Variants in ERBIN observed in about 807,000 individuals in gnomAD.
ERBIN encodes the protein erbb2 interacting protein, also known as densin-180-like protein.
A neutral mutation model predicts 158.4 loss-of-function variants in ERBIN; 60 were observed. The observed-to-expected ratio is 0.38, with a 90% confidence interval of 0.31 to 0.47. The LOEUF (loss-of-function observed/expected upper bound fraction) is 0.47, where lower values mean the gene tolerates loss of function less well. ERBIN is among the 20% of genes least tolerant of loss of function. The probability of loss-of-function intolerance (pLI) is 0.99; values close to 1 mark genes in which losing one functional copy is unlikely to be tolerated. For missense variants in ERBIN, 1,610 were observed against 1,648.0 expected (o/e 0.98, Z 0.40); for synonymous variants, 594 against 557.2 (o/e 1.07, Z -0.93).
At chr5:66,063,959 C>A (rs1397283503) in intron 21 of ERBIN, among the ~76,000 whole-genome samples, 2 of 152,146 alleles carry the variant, frequency 1.3e-5, no homozygotes, top group East Asian at 1.9e-4. Flanking sequence ...TTAATCATCT[C>A]TTCTTCAGAA....
chr5:66,046,703 A>C (rs1015691587), intron 18 of ERBIN, among the ~76,000 whole-genome samples, 165 bp downstream of exon 18: 5 of 152,210 alleles, frequency 3.3e-5, no homozygotes, highest in African/African-American at 1.2e-4. Flanking sequence ...CTTTAAACTT[A>C]CAAATTATTA....
chr5:65,993,806 TAGTGTA>T (rs1752137848), intron 3 of ERBIN, among the ~76,000 whole-genome samples: 1 of 152,178 alleles, frequency 6.6e-6, no homozygotes, highest in Non-Finnish European at 1.5e-5. Context: ...AATAATTTGT[TAGTGTA>T]AGTGTGTCCC....
At chr5:66,051,872 G>A (rs1759053587) in intron 20 of ERBIN, among the ~76,000 whole-genome samples, 1 of 146,272 alleles carries the variant, frequency 6.8e-6, no homozygotes, top group Non-Finnish European at 1.5e-5. Context: ...TCCAGCCTGG[G>A]TGACAGAGCT....
rs527638924 is a variant in ERBIN at position 66,008,156 on chromosome 5, CA to C, written c.308-3892del. ...ATTCAGGGCCAGGCACGGTGGCTCACACCTGTAATCCCAACACTGGGAGGCT... is the reference window on the plus strand; with the variant it reads ...ATTCAGGGCCAGGCACGGTGGCTCACCCTGTAATCCCAACACTGGGAGGCT... On this transcript the variant is annotated intron_variant, in intron 4 of 25. Transcript: ENST00000284037. Among the ~76,000 whole-genome samples the C allele has an allele frequency of 4.6e-5, 7 of 152,284 alleles. No individual in the cohort carries two copies. The South Asian group carries it at 1.5e-3, about 32-fold the overall frequency.
intron 4 of ERBIN, among the ~76,000 whole-genome samples, chr5:66,007,767 T>C (rs189753726): frequency 3.2e-4 from 48 of 152,350 alleles, no homozygotes; most frequent in African/African-American, 1.1e-3. Context: ...ACACATTTGC[T>C]GAATAACTTT....
intron 1 of ERBIN, among the ~76,000 whole-genome samples, chr5:65,946,167 C>T (rs1745716290): frequency 1.3e-5 from 2 of 152,044 alleles, no homozygotes; most frequent in South Asian, 4.1e-4. Context: ...GAGTTCAAGA[C>T]CAGCCTGGGC....
At chr5:66,058,518 G>T (rs1476340521) in intron 21 of ERBIN, among the ~76,000 whole-genome samples, 1 of 151,338 alleles carries the variant, frequency 6.6e-6, no homozygotes, top group Admixed American at 6.6e-5. Flanking sequence ...TTCTTTTGCT[G>T]TGCAGAAGCT....
chr5:65,933,039 C>G lies in ERBIN; in HGVS notation c.-58+6233C>G, dbSNP rs185542790. Among the ~76,000 whole-genome samples the G allele has an allele frequency of 3.5e-3, 531 of 152,310 alleles. 1 individual carries two copies. The highest frequency in any genetic ancestry group is 0.017 in the Middle Eastern group (5 of 294). ...AACTCCTGGCCTCAAGCAGTCCTCC[C>G]TCCTTGGTCTCCCAAAGTGCTGGGA... On this transcript the variant is annotated intron_variant, in intron 1 of 25. Transcript: ENST00000284037.
rs557074822 is a variant in ERBIN, at chr5:66,041,210, A to G, written c.1307-1867A>G. On this transcript the variant is annotated intron_variant, in intron 15 of 25. Transcript: ENST00000284037. ...CAAAAGAAAGGTAGTTAAGGAACCA[A>G]AAGTTTACCAGCAATAATAAGGAAT... 2.6e-5 allele frequency among the ~76,000 whole-genome samples: 4 copies of G among 152,184 alleles called. No individual in the cohort carries two copies. The South Asian group carries it at 8.3e-4, about 32-fold the overall frequency.
intron 4 of ERBIN, among the ~76,000 whole-genome samples, chr5:65,999,338 C>G (rs575369321): frequency 2.6e-5 from 4 of 152,178 alleles, no homozygotes; most frequent in African/African-American, 9.6e-5. Context: ...TGCACTCCAG[C>G]GACAAGAATG....
chr5:65,977,923 G>GGCTGGCGGATCA (rs1750185280), intron 1 of ERBIN, among the ~76,000 whole-genome samples: 1 of 151,562 alleles, frequency 6.6e-6, no homozygotes, highest in Admixed American at 6.6e-5. Flanking sequence ...AGGAGGCCGA[G>GGCTGGCGGATCA]GCTGGCGGAT....
intron 4 of ERBIN, among the ~76,000 whole-genome samples, chr5:65,999,605 T>C (rs1429203608): frequency 1.3e-5 from 2 of 152,228 alleles, no homozygotes; most frequent in African/African-American, 4.8e-5. Context: ...TTAAAGATCA[T>C]GTACAGCATT....
chr5:66,028,676 G>A (rs1004913946), intron 14 of ERBIN, among the ~76,000 whole-genome samples: 1 of 151,882 alleles, frequency 6.6e-6, no homozygotes, highest in Non-Finnish European at 1.5e-5. Flanking sequence ...AAGTCTACTC[G>A]GCAATTTCAA....
In ERBIN at chr5:66,053,668, T is replaced by A; in HGVS notation, c.2350T>A (p.Ser784Thr). 2 of 1,613,840 alleles carry A rather than the reference T, an allele frequency of 1.2e-6. No individual in the cohort carries two copies. The highest frequency in any genetic ancestry group is 2.2e-5 in the East Asian group (1 of 44,864). The change falls in exon 21 of 26, where the codon TCA becomes ACA. Residue 784 changes from serine to threonine, a missense_variant. Physicochemically the swap from Ser to Thr is moderately conservative, Grantham distance 58 (BLOSUM62 1). Coordinates refer to ENST00000284037, the MANE Select transcript of ERBIN (RefSeq NM_001253697.2). ...ATTTCAACCAGAGATCATGGAAAGATCAAAAACACAGGATATTGTGCTTGG... is the reference window on the plus strand; with the variant it reads ...ATTTCAACCAGAGATCATGGAAAGAACAAAAACACAGGATATTGTGCTTGG... ...DTFQPEIMER[S>T]KTQDIVLGTS...
chr5:65,958,174 G>A (rs1051622317), intron 1 of ERBIN, among the ~76,000 whole-genome samples: 1 of 151,988 alleles, frequency 6.6e-6, no homozygotes, highest in South Asian at 2.1e-4. Flanking sequence ...CATCCCAGAC[G>A]ATGGGCGGCC....
chr5:66,065,827 A>G (rs1386585378), intron 21 of ERBIN, among the ~76,000 whole-genome samples: 1 of 152,142 alleles, frequency 6.6e-6, no homozygotes, highest in Non-Finnish European at 1.5e-5. Flanking sequence ...TTGACACAAT[A>G]AATAAGGTGA....
At chr5:66,077,481 C>CA (rs533208535) in intron 25 of ERBIN, among the ~76,000 whole-genome samples, 26,450 of 147,950 alleles carry the variant, frequency 0.18, 2,809 homozygotes, top group East Asian at 0.46. Context: ...ATCCTCAAAC[C>CA]AAAAAAAAAG....
chr5:65,951,719 A>G (rs1580131458), intron 1 of ERBIN, among the ~76,000 whole-genome samples: 1 of 152,332 alleles, frequency 6.6e-6, no homozygotes, highest in Admixed American at 6.5e-5. Flanking sequence ...AGCTATGTAT[A>G]AAGTCCTTGT....
At chr5:65,997,695 C>T (rs1372338761) in intron 4 of ERBIN, among the ~76,000 whole-genome samples, 3 of 152,096 alleles carry the variant, frequency 2.0e-5, no homozygotes, top group Admixed American at 6.5e-5. Context: ...ATAAACAAGT[C>T]CCACCAAGTT....
Sources: allele counts gnomAD v4.1 joint callset (sites outside exome capture counted in the v4.1 genomes callset), GRCh38; gene constraint gnomAD v4.1.1; transcripts MANE v1.5; gene names NCBI Gene and HGNC (gene_info 2026-07-23, HGNC 2026-07-21).